NAALADL2: variants seen among roughly 807,000 people sequenced by gnomAD.
The protein encoded by NAALADL2 is N-acetylated alpha-linked acidic dipeptidase like 2.
Under a neutral mutation model 87.2 loss-of-function variants are expected in NAALADL2, and 76 were observed. The ratio of observed to expected loss-of-function variants is 0.87; its 90% CI spans 0.72 to 1.05. NAALADL2 has a LOEUF of 1.05. Among genes scored for constraint, NAALADL2 ranks in the 50% least tolerant of loss-of-function variants. The pLI is 0.00. For synonymous variants in NAALADL2, 354 were observed against 331.0 expected, an observed-to-expected ratio of 1.07 and a Z score of -0.75; for missense variants, 1,089 against 945.8, an observed-to-expected ratio of 1.15 and a Z score of -1.99.
At position 174,621,173 on chromosome 3, in the gene NAALADL2, A is replaced by G. The variant is rs567827223; in HGVS notation, c.-115+70536A>G. On this transcript the variant is annotated intron_variant, in intron 2 of 3. Coordinates refer to the NAALADL2 transcript ENST00000434257. The stretch of plus-strand genomic sequence containing the variant: ...TTTCCTTTAGTTCAGAATTGCCGCA[A>G]GCTTCTCTAGTAATTTGAGGCCTTG... Among the ~76,000 whole-genome samples the G allele has an allele frequency of 8.5e-5, 13 of 152,202 alleles. No homozygotes were observed. In the South Asian group the frequency reaches 2.5e-3, roughly 29 times the overall value.
At chr3:174,734,583 C>T (rs1346761012) in intron 2 of NAALADL2, among the ~76,000 whole-genome samples, 1 of 152,078 alleles carries the variant, frequency 6.6e-6, no homozygotes, top group Non-Finnish European at 1.5e-5. Flanking sequence ...ATTAGGGCTT[C>T]AACATACGAA....
chr3:175,776,669 A>G (rs1252215963), intron 13 of NAALADL2, among the ~76,000 whole-genome samples: 2 of 152,166 alleles, frequency 1.3e-5, no homozygotes, highest in African/African-American at 4.8e-5. Flanking sequence ...TGCTTAATAA[A>G]AATTCTTCAA....
intron 2 of NAALADL2, among the ~76,000 whole-genome samples, chr3:174,622,816 G>A (rs934384096): frequency 5.9e-5 from 9 of 152,128 alleles, no homozygotes; most frequent in Non-Finnish European, 1.0e-4. Flanking sequence ...CGAGGCGGGC[G>A]AATCACGAGG....
chr3:174,488,069 GAAT>G (rs1219717544), intron 1 of NAALADL2, among the ~76,000 whole-genome samples: 1 of 151,980 alleles, frequency 6.6e-6, no homozygotes, highest in East Asian at 1.9e-4. Context: ...ATTGGGAGAA[GAAT>G]AAATTGGAGA....
rs144050053 is a variant in NAALADL2 at position 174,606,369 on chromosome 3, T to A, written c.-115+55732T>A. Among the ~76,000 whole-genome samples the A allele has an allele frequency of 8.5e-3, 1,299 of 152,086 alleles. 14 individuals are homozygous for A. The highest frequency in any genetic ancestry group is 0.03 in the African/African-American group (1,253 of 41,520). ...AGAAGGCTTCAGACGATCAAACTAC[T>A]CTGAGCTACAGGAGCAAATTCAAAC... On this transcript the variant is annotated intron_variant, in intron 2 of 3. Coordinates refer to the NAALADL2 transcript ENST00000434257.
At chr3:175,292,861 C>T (rs1008581877) in intron 4 of NAALADL2, among the ~76,000 whole-genome samples, 31 of 151,690 alleles carry the variant, frequency 2.0e-4, no homozygotes, top group Admixed American at 8.5e-4. Context: ...CACGGTGAAA[C>T]CCCGTCTCTA....
intron 3 of NAALADL2, among the ~76,000 whole-genome samples, chr3:174,739,069 GA>G (rs1192021009): frequency 6.6e-6 from 1 of 151,832 alleles, no homozygotes; most frequent in Admixed American, 6.6e-5. Context: ...TCTTCATATG[GA>G]AAAAAATTAA....
intron 1 of NAALADL2, among the ~76,000 whole-genome samples, chr3:175,091,149 A>G (rs1271132213): frequency 3.3e-5 from 5 of 152,166 alleles, no homozygotes; most frequent in Non-Finnish European, 7.4e-5. Context: ...GTTTATACTG[A>G]AAAATTTATG....
intron 5 of NAALADL2, among the ~76,000 whole-genome samples, chr3:175,351,545 A>G (rs1763776217): frequency 6.6e-6 from 1 of 152,066 alleles, no homozygotes; most frequent in Non-Finnish European, 1.5e-5. Flanking sequence ...TTTATTTTGG[A>G]CAATAGAAGA....
At chr3:175,022,495 GC>G (rs1006454753) in intron 1 of NAALADL2, among the ~76,000 whole-genome samples, 17 of 151,948 alleles carry the variant, frequency 1.1e-4, no homozygotes, top group Non-Finnish European at 2.4e-4. Context: ...TCTCAAGTGG[GC>G]CTTTCTTCCA....
At chr3:174,553,588 A>G (rs1177156708) in intron 2 of NAALADL2, among the ~76,000 whole-genome samples, 1 of 152,176 alleles carries the variant, frequency 6.6e-6, no homozygotes, top group African/African-American at 2.4e-5. Flanking sequence ...GTCTTAATTC[A>G]TTCCACTTAT....
intron 2 of NAALADL2, among the ~76,000 whole-genome samples, chr3:175,127,145 T>A (rs1727088223): frequency 6.6e-6 from 1 of 152,048 alleles, no homozygotes; most frequent in Non-Finnish European, 1.5e-5. Flanking sequence ...GGAGTGCTCA[T>A]GTAATAAACA....
intron 1 of NAALADL2, among the ~76,000 whole-genome samples, chr3:174,903,224 A>G (rs571047760): frequency 6.6e-6 from 1 of 152,234 alleles, no homozygotes; most frequent in Admixed American, 6.5e-5. Flanking sequence ...GTATTTGAAT[A>G]CATTAGATAT....
intron 2 of NAALADL2, among the ~76,000 whole-genome samples, chr3:174,662,915 T>A (rs1412931191): frequency 3.9e-5 from 6 of 152,240 alleles, no homozygotes. Context: ...TTATTATGTA[T>A]TGAAATCTTA....
At chr3:175,285,377 A>G (rs1459523984) in intron 4 of NAALADL2, among the ~76,000 whole-genome samples, 3 of 152,160 alleles carry the variant, frequency 2.0e-5, no homozygotes, top group Non-Finnish European at 4.4e-5. Context: ...CATCATCAGT[A>G]CTTCCAAATT....
intron 1 of NAALADL2, among the ~76,000 whole-genome samples, chr3:174,524,608 C>A (rs1720559446): frequency 6.6e-6 from 1 of 151,886 alleles, no homozygotes; most frequent in South Asian, 2.1e-4. Flanking sequence ...GCAGTGGCAT[C>A]ATTATAGCTC....
At chr3:174,667,899 G>A (rs1205762874) in intron 2 of NAALADL2, among the ~76,000 whole-genome samples, 1 of 151,878 alleles carries the variant, frequency 6.6e-6, no homozygotes, top group Non-Finnish European at 1.5e-5. Context: ...GAAAAATGGG[G>A]GTACTCAGTT....
intron 3 of NAALADL2, among the ~76,000 whole-genome samples, chr3:174,801,018 A>G (rs917986186): frequency 2.0e-5 from 3 of 152,190 alleles, no homozygotes; most frequent in African/African-American, 7.2e-5. Context: ...TTGATTTTAC[A>G]GAGTCATAGG....
At chr3:175,162,813 C>T (rs1305289287) in intron 2 of NAALADL2, among the ~76,000 whole-genome samples, 1 of 152,018 alleles carries the variant, frequency 6.6e-6, no homozygotes, top group Admixed American at 6.6e-5. Flanking sequence ...TCTTTTCTCT[C>T]TTTAGGCAAA....
Sources: allele counts gnomAD v4.1 joint callset (sites outside exome capture counted in the v4.1 genomes callset), GRCh38; gene constraint gnomAD v4.1.1; transcripts MANE v1.5; gene names NCBI Gene and HGNC (gene_info 2026-07-23, HGNC 2026-07-21).